The following ZFHX3 variants were observed in gnomAD, a reference collection of about 807,000 sequenced individuals.
The protein encoded by ZFHX3 is zinc finger homeobox protein 3.
Under a neutral mutation model 279.1 loss-of-function variants are expected in ZFHX3, and 42 were observed. The ratio of observed to expected loss-of-function variants is 0.15; its 90% confidence interval spans 0.12 to 0.19. The LOEUF is 0.19. Ranked by LOEUF, ZFHX3 falls within the 10% of genes least tolerant of loss-of-function variation. The probability of loss-of-function intolerance (pLI) is 1.00; values close to 1 mark genes in which losing one functional copy is unlikely to be tolerated. For synonymous variants in ZFHX3, 2,293 were observed against 1,957.8 expected (o/e 1.17, Z -4.52); for missense variants, 4,981 against 4,754.0 (o/e 1.05, Z -1.40).
chr16:73,682,896 A>AGGG (rs1567550528), intron 1 of ZFHX3, among the ~76,000 whole-genome samples: 1 of 22,308 alleles, frequency 4.5e-5, no homozygotes, highest in Non-Finnish European at 9.2e-5. Flanking sequence ...GAAAGAAAGA[A>AGGG]AGAAAGAAAG....
intron 1 of ZFHX3, among the ~76,000 whole-genome samples, chr16:73,806,816 C>G (rs981785094): frequency 6.6e-6 from 1 of 152,192 alleles, no homozygotes; most frequent in East Asian, 1.9e-4. Flanking sequence ...TCCATCTCCC[C>G]AAGCCCTCTC....
At chr16:73,821,909 A>G (rs569450010) in intron 1 of ZFHX3, among the ~76,000 whole-genome samples, 1 of 152,328 alleles carries the variant, frequency 6.6e-6, no homozygotes, top group South Asian at 2.1e-4. Flanking sequence ...GCCTAACAGC[A>G]TGTTAGAACG....
At chr16:73,336,674 G>A (rs2015918780) in intron 3 of ZFHX3, among the ~76,000 whole-genome samples, 1 of 151,982 alleles carries the variant, frequency 6.6e-6, no homozygotes, top group Admixed American at 6.6e-5. Flanking sequence ...TCTTTGCTAT[G>A]TGAATAGTTC....
At chr16:73,141,518 C>T (rs534809218) in intron 6 of ZFHX3, among the ~76,000 whole-genome samples, 12 of 151,980 alleles carry the variant, frequency 7.9e-5, no homozygotes, top group African/African-American at 2.9e-4. Context: ...CCATCTCAGT[C>T]TCCCGAGTAG....
At chr16:73,459,735 G>T (rs763137603) in intron 2 of ZFHX3, among the ~76,000 whole-genome samples, 86 of 152,216 alleles carry the variant, frequency 5.6e-4, no homozygotes, top group Non-Finnish European at 9.7e-4. Context: ...TACAATCATG[G>T]CAGGAGATAA....
rs143536104 is a variant in ZFHX3, at chr16:72,957,458, G to A, written c.2688C>T (p.Ala896=). ...CAGGCGTCATGGCGGCCATGGGCCCGGCGGGATCCAGCTGGAATCCGCTCA... is the reference window on the plus strand; with the variant it reads ...CAGGCGTCATGGCGGCCATGGGCCCAGCGGGATCCAGCTGGAATCCGCTCA... ...FMMSGFQLDP[A]GPMAAMTPAL... is the part of the protein sequence containing the mutation. The change falls in exon 2 of 10, where the codon GCC becomes GCT. Residue 896 remains alanine, a synonymous_variant. Transcript: ENST00000268489. The A allele has an allele frequency of 2.8e-4, 453 of 1,612,982 alleles. No individual in the cohort carries two copies. Among genetic ancestry groups the A allele is most frequent in the South Asian group, 1.2e-3 (113 of 90,934 alleles).
At chr16:73,437,926 C>T (rs896893089) in intron 3 of ZFHX3, among the ~76,000 whole-genome samples, 12 of 152,278 alleles carry the variant, frequency 7.9e-5, no homozygotes, top group African/African-American at 2.6e-4. Flanking sequence ...TATCATCATG[C>T]TACTTTCTGA....
intron 2 of ZFHX3, among the ~76,000 whole-genome samples, chr16:73,665,912 T>C (rs1436008950): frequency 6.7e-6 from 1 of 149,056 alleles, no homozygotes; most frequent in South Asian, 2.1e-4. Context: ...GCCTCCCGGG[T>C]TCATGCCATT....
At chr16:73,305,433 A>G (rs1025569967) in intron 4 of ZFHX3, among the ~76,000 whole-genome samples, 2 of 152,176 alleles carry the variant, frequency 1.3e-5, no homozygotes, top group African/African-American at 4.8e-5. Context: ...GGATTCAGAA[A>G]TAGCCCAGAG....
chr16:73,414,792 C>T (rs772814732), intron 3 of ZFHX3, among the ~76,000 whole-genome samples: 2 of 152,138 alleles, frequency 1.3e-5, no homozygotes, highest in African/African-American at 4.8e-5. Context: ...GCTGTGATTG[C>T]GCCACCGCAC....
intron 4 of ZFHX3, among the ~76,000 whole-genome samples, chr16:72,886,760 T>C (rs996491429): frequency 6.6e-5 from 10 of 152,124 alleles, no homozygotes; most frequent in African/African-American, 2.2e-4. Context: ...AGTGCACTAA[T>C]GCAGAGCAGC....
rs1597284629 is a variant in ZFHX3 at position 73,324,691 on chromosome 16, C to T, written c.-1290-6355G>A. ...GGCCTTTGGTCAAGGGAGTATTAGG[C>T]TTCAGAAACTGTACAAATTAGTGAG... On this transcript the variant is annotated intron_variant, in intron 3 of 17. Transcript: ENST00000641206. Among the ~76,000 whole-genome samples, 3 of 152,176 alleles carry T rather than the reference C, an allele frequency of 2.0e-5. No homozygotes were observed. In the South Asian group the frequency reaches 6.2e-4, roughly 31 times the overall value.
intron 1 of ZFHX3, among the ~76,000 whole-genome samples, chr16:73,058,030 C>T (rs1327845335): frequency 6.9e-6 from 1 of 145,574 alleles, no homozygotes; most frequent in Non-Finnish European, 1.5e-5. Flanking sequence ...CGGACCCCCC[C>T]ATACTCCCCC....
intron 8 of ZFHX3, among the ~76,000 whole-genome samples, chr16:73,071,523 G>C (rs1278039728): frequency 6.6e-6 from 1 of 152,132 alleles, no homozygotes; most frequent in Non-Finnish European, 1.5e-5. Flanking sequence ...TCTATCAGGG[G>C]CTGGGGAGGC....
At chr16:73,662,692 CAA>C (rs2052798093) in intron 2 of ZFHX3, among the ~76,000 whole-genome samples, 1 of 152,148 alleles carries the variant, frequency 6.6e-6, no homozygotes, top group Admixed American at 6.5e-5. Context: ...GGGTCAAAAA[CAA>C]AGCAATGCTG....
At chr16:72,921,371 C>T (rs2039579519) in intron 3 of ZFHX3, among the ~76,000 whole-genome samples, 1 of 152,180 alleles carries the variant, frequency 6.6e-6, no homozygotes, top group South Asian at 2.1e-4. Context: ...TTGCGGCTTT[C>T]CTGTTCTTCA....
At chr16:73,434,843 G>A (rs1220548872) in intron 3 of ZFHX3, among the ~76,000 whole-genome samples, 3 of 152,166 alleles carry the variant, frequency 2.0e-5, no homozygotes, top group Admixed American at 2.0e-4. Context: ...AAAACAAGCA[G>A]CTTGGCTGAC....
At chr16:72,792,647 T>A (rs2035751305) in intron 9 of ZFHX3, among the ~76,000 whole-genome samples, 1 of 152,106 alleles carries the variant, frequency 6.6e-6, no homozygotes, top group Non-Finnish European at 1.5e-5. Flanking sequence ...AGATGGGGTT[T>A]CACCATGTTG....
intron 2 of ZFHX3, among the ~76,000 whole-genome samples, chr16:73,616,054 A>AAG (rs2052298067): frequency 6.6e-6 from 1 of 152,102 alleles, no homozygotes; most frequent in Non-Finnish European, 1.5e-5. Flanking sequence ...TTTGGATTGA[A>AAG]AGATCCGGAG....
Sources: gnomAD v4.1 joint callset for allele counts (sites outside exome capture counted in the v4.1 genomes callset) on GRCh38, gnomAD v4.1.1 for gene constraint, MANE v1.5 for transcripts, NCBI Gene and HGNC (gene_info 2026-07-23, HGNC 2026-07-21) for gene names.